The following RBFOX1 variants were observed in gnomAD, a reference collection of about 807,000 sequenced individuals.
RBFOX1 encodes the protein RNA binding protein fox-1 homolog 1.
In RBFOX1, 8 loss-of-function variants were observed where a neutral mutation model predicts 57.7. That is an observed-to-expected ratio of 0.14 (90% CI 0.08 to 0.25). The LOEUF (loss-of-function observed/expected upper bound fraction) is 0.25. RBFOX1 is among the 10% of genes least tolerant of loss of function. The pLI is 1.00. For missense variants in RBFOX1, 611 were observed against 548.5 expected (o/e 1.11, Z -1.14); for synonymous variants, 326 against 222.4 (o/e 1.47, Z -4.15).
At chr16:5,249,609 A>G (rs2062394425) in intron 1 of RBFOX1, among the ~76,000 whole-genome samples, 1 of 152,228 alleles carries the variant, frequency 6.6e-6, no homozygotes. Context: ...TGGTCTGAGT[A>G]TAATTTGTTA....
At chr16:5,607,663 G>A (rs1023082735) in intron 3 of RBFOX1, among the ~76,000 whole-genome samples, 2 of 152,226 alleles carry the variant, frequency 1.3e-5, no homozygotes, top group Admixed American at 1.3e-4. Flanking sequence ...CAGCTCTGTT[G>A]ATGTAAACTG....
intron 3 of RBFOX1, among the ~76,000 whole-genome samples, chr16:6,965,364 A>G (rs996245491): frequency 4.5e-5 from 6 of 132,714 alleles, no homozygotes; most frequent in Admixed American, 3.9e-4. Context: ...TGTGTGTATG[A>G]TGGAGTCTTG....
chr16:5,878,983 G>C (rs536727240), intron 4 of RBFOX1, among the ~76,000 whole-genome samples: 1 of 152,310 alleles, frequency 6.6e-6, no homozygotes, highest in South Asian at 2.1e-4. Context: ...AATGTGTTAA[G>C]TTACATTTTC....
chr16:5,704,463 C>T (rs56726423), intron 3 of RBFOX1, among the ~76,000 whole-genome samples: 15,550 of 152,080 alleles, frequency 0.1, 2,639 homozygotes, highest in African/African-American at 0.35. Context: ...GGCTTTTTGT[C>T]CTTTGAGCAG....
At chr16:7,050,236 A>T (rs6500905) in intron 3 of RBFOX1, among the ~76,000 whole-genome samples, 13,233 of 133,542 alleles carry the variant, frequency 0.099, 929 homozygotes, top group East Asian at 0.29. Context: ...TTTCCTCTTT[A>T]GCTTCTTTTT....
intron 3 of RBFOX1, among the ~76,000 whole-genome samples, chr16:6,842,632 G>A (rs987437950): frequency 2.8e-5 from 4 of 145,038 alleles, no homozygotes; most frequent in African/African-American, 1.0e-4. Flanking sequence ...CATTTAGACT[G>A]TTTTTTTTAA....
At position 5,908,137 on chromosome 16, in the gene RBFOX1, C is replaced by CATATATACACAT; in HGVS notation, c.351+40808_351+40819dup. On this transcript the variant is annotated intron_variant, in intron 4 of 19. Transcript: ENST00000641259. ...ACATATATACACATATATATATACA[C>CATATATACACAT]ATATATACACATATATACACATATA... Among the ~76,000 whole-genome samples the CATATATACACAT allele has an allele frequency of 2.3e-5, 3 of 131,032 alleles. 1 individual carries two copies. In the South Asian group the frequency reaches 6.5e-4, roughly 28 times the overall value. 86.0% of individuals were successfully genotyped at this position (131,032 alleles called of 152,430 possible). A position where few individuals can be genotyped will look rare whatever the true frequency, so the allele number is the denominator to read the frequency against.
chr16:7,426,562 C>G (rs555121999), intron 4 of RBFOX1, among the ~76,000 whole-genome samples: 1 of 152,172 alleles, frequency 6.6e-6, no homozygotes. Context: ...GCATGTTGTT[C>G]TTCAAACCAA....
At chr16:6,810,422 G>A (rs1326443233) in intron 3 of RBFOX1, among the ~76,000 whole-genome samples, 1 of 152,170 alleles carries the variant, frequency 6.6e-6, no homozygotes, top group African/African-American at 2.4e-5. Context: ...ACTTTTTCCT[G>A]GGAGAAGGAT....
At chr16:5,367,622 A>G (rs1360363175) in intron 1 of RBFOX1, among the ~76,000 whole-genome samples, 2 of 152,236 alleles carry the variant, frequency 1.3e-5, no homozygotes, top group South Asian at 4.1e-4. Flanking sequence ...CAGCAGCTCT[A>G]GCTTAACATT....
At chr16:5,873,703 A>T (rs146175512) in intron 4 of RBFOX1, among the ~76,000 whole-genome samples, 2 of 152,226 alleles carry the variant, frequency 1.3e-5, no homozygotes, top group African/African-American at 4.8e-5. Flanking sequence ...CACTTGTCTC[A>T]TGAGGACTGA....
At chr16:6,983,346 C>T (rs571214330) in intron 3 of RBFOX1, among the ~76,000 whole-genome samples, 16 of 151,940 alleles carry the variant, frequency 1.1e-4, no homozygotes, top group Admixed American at 9.2e-4. Context: ...GAGGAAAGTA[C>T]AGAATTATTG....
At chr16:7,431,097 C>G (rs2098675163) in intron 4 of RBFOX1, 1 of 152,224 alleles carries the variant, frequency 6.6e-6, no homozygotes, top group African/African-American at 2.4e-5. Context: ...TAACAACAAC[C>G]TCAAACCCAA....
intron 11 of RBFOX1, among the ~76,000 whole-genome samples, chr16:7,653,240 A>T (rs532846174): frequency 6.6e-6 from 1 of 152,240 alleles, no homozygotes; most frequent in East Asian, 1.9e-4. Flanking sequence ...TTGGTCCATA[A>T]CTGTAATCTC....
intron 3 of RBFOX1, among the ~76,000 whole-genome samples, chr16:5,864,714 A>G (rs2057304776): frequency 6.6e-6 from 1 of 152,140 alleles, no homozygotes; most frequent in African/African-American, 2.4e-5. Context: ...GGCTTAAAAG[A>G]TCAGAAACTG....
intron 2 of RBFOX1, chr16:6,483,866 C>G (rs1043898800): frequency 5.1e-6 from 6 of 1,183,160 alleles, no homozygotes; most frequent in Middle Eastern, 3.5e-4. Context: ...GAAACCCAAA[C>G]CGGAGATGGA....
chr16:5,421,154 G>A (rs1410120022), intron 1 of RBFOX1, among the ~76,000 whole-genome samples: 1 of 151,658 alleles, frequency 6.6e-6, no homozygotes, highest in African/African-American at 2.4e-5. Flanking sequence ...CAACAGGCAT[G>A]GGCCACTACA....
intron 4 of RBFOX1, among the ~76,000 whole-genome samples, chr16:5,960,287 C>G (rs2059722772): frequency 6.6e-6 from 1 of 152,126 alleles, no homozygotes; most frequent in African/African-American, 2.4e-5. Flanking sequence ...TAATTATTAC[C>G]ATAACTCATT....
At chr16:5,382,610 G>T (rs954351952) in intron 1 of RBFOX1, among the ~76,000 whole-genome samples, 2 of 152,154 alleles carry the variant, frequency 1.3e-5, no homozygotes, top group East Asian at 3.8e-4. Context: ...GGTTCTAGTA[G>T]ATGTACTTGC....
Sources: allele counts gnomAD v4.1 joint callset (sites outside exome capture counted in the v4.1 genomes callset), GRCh38; gene constraint gnomAD v4.1.1; transcripts MANE v1.5; gene names NCBI Gene and HGNC (gene_info 2026-07-23, HGNC 2026-07-21).